Variants in MAPK10 observed in about 807,000 individuals in gnomAD.
The protein encoded by MAPK10 is JNK3 alpha protein kinase.
Under a neutral mutation model 59.3 loss-of-function variants are expected in MAPK10, and 25 were observed. The observed-to-expected ratio is 0.42, with a 90% CI of 0.31 to 0.59. The LOEUF is 0.59. Among genes scored for constraint, MAPK10 ranks in the 20% least tolerant of loss-of-function variants. The pLI, the probability that MAPK10 is intolerant of heterozygous loss-of-function variation, is 0.15. For synonymous variants in MAPK10, 190 were observed against 200.5 expected, an observed-to-expected ratio of 0.95 and a Z score of 0.44; for missense variants, 351 against 568.9, an observed-to-expected ratio of 0.62 and a Z score of 3.90.
chr4:86,392,744 C>A (rs1353220354), intron 1 of MAPK10, among the ~76,000 whole-genome samples: 1 of 152,116 alleles, frequency 6.6e-6, no homozygotes, highest in African/African-American at 2.4e-5. Context: ...ATGCTGCAAG[C>A]AGCAGGAAGA....
At chr4:86,297,373 A>G (rs970771404) in intron 2 of MAPK10, among the ~76,000 whole-genome samples, 4 of 152,014 alleles carry the variant, frequency 2.6e-5, no homozygotes, top group Admixed American at 2.0e-4. Context: ...GCAGTGGTGC[A>G]ATCTCAGCTC....
At chr4:86,074,932 C>T (rs1282956626) in intron 9 of MAPK10, among the ~76,000 whole-genome samples, 7 of 138,310 alleles carry the variant, frequency 5.1e-5, no homozygotes, top group South Asian at 2.3e-4. Flanking sequence ...TGAATCTGAA[C>T]GTTGGCCTGC....
At chr4:86,547,562 G>A (rs937886512) in intron 1 of MAPK10, among the ~76,000 whole-genome samples, 30 of 152,158 alleles carry the variant, frequency 2.0e-4, no homozygotes, top group Admixed American at 6.5e-4. Context: ...CTCCTGTGCC[G>A]CGGAGCCTCC....
At chr4:86,116,148 A>T (rs559889880) in intron 4 of MAPK10, among the ~76,000 whole-genome samples, 28 of 152,358 alleles carry the variant, frequency 1.8e-4, no homozygotes, top group Middle Eastern at 6.8e-3. Flanking sequence ...AAGAATGGCA[A>T]TCAGTCATGA....
intron 9 of MAPK10, chr4:86,080,654 G>C (rs1206791847): frequency 6.6e-6 from 1 of 151,872 alleles, no homozygotes; most frequent in Non-Finnish European, 1.5e-5. Flanking sequence ...TCATAAGGGT[G>C]AATCTAAACA....
intron 1 of MAPK10, among the ~76,000 whole-genome samples, chr4:86,430,367 A>G (rs1306807879): frequency 6.6e-6 from 1 of 152,110 alleles, no homozygotes. Context: ...CTACCGCCCA[A>G]CTCTCAAGTC....
At chr4:86,155,145 AGT>A (rs1167644899) in intron 4 of MAPK10, among the ~76,000 whole-genome samples, 1 of 152,092 alleles carries the variant, frequency 6.6e-6, no homozygotes, top group East Asian at 1.9e-4. Flanking sequence ...CAGAGTAAAT[AGT>A]GTCTTTTTTT....
chr4:86,304,225 G>A (rs549742340), intron 2 of MAPK10, among the ~76,000 whole-genome samples: 2 of 152,116 alleles, frequency 1.3e-5, no homozygotes, highest in Non-Finnish European at 2.9e-5. Flanking sequence ...AAGATCTCAC[G>A]TGCCATGCAA....
Position 86,586,424 on chromosome 4 carries a change from G to A in MAPK10, c.-263+7486C>T, listed in dbSNP as rs1013221903. On this transcript the variant is annotated intron_variant, in intron 1 of 4. Transcript: ENST00000502302. ...CTCTCTCTGTCTTTCACTCATCATC[G>A]AAACTGGCTTCCCCTCTTTCCTACT... Among the ~76,000 whole-genome samples the A allele has an allele frequency of 6.6e-5, 10 of 152,120 alleles. 1 individual carries two copies. The highest frequency in any genetic ancestry group is 3.3e-4 in the Admixed American group (5 of 15,288).
intron 1 of MAPK10, among the ~76,000 whole-genome samples, chr4:86,437,291 C>G (rs960248317): frequency 2.7e-5 from 4 of 150,804 alleles, no homozygotes; most frequent in Admixed American, 6.6e-5. Flanking sequence ...AAGCTCTCTT[C>G]TCTTCTGTTT....
intron 2 of MAPK10, among the ~76,000 whole-genome samples, chr4:86,204,839 C>T (rs1403932019): frequency 1.3e-5 from 2 of 151,966 alleles, no homozygotes; most frequent in African/African-American, 4.8e-5. Flanking sequence ...CAGTGGGTTA[C>T]AGAAGTCATA....
chr4:86,134,509 C>T (rs1269507356), intron 4 of MAPK10, among the ~76,000 whole-genome samples: 2 of 152,232 alleles, frequency 1.3e-5, no homozygotes, highest in Admixed American at 6.5e-5. Context: ...ACACACCACA[C>T]ATACTTTTTC....
At chr4:86,545,420 C>G (rs1759071109) in intron 1 of MAPK10, among the ~76,000 whole-genome samples, 1 of 152,148 alleles carries the variant, frequency 6.6e-6, no homozygotes, top group Non-Finnish European at 1.5e-5. Context: ...GGTGTGCTCT[C>G]TTCTGAGAAC....
chr4:86,012,570 A>G lies in MAPK10; in HGVS notation c.*4658T>C, dbSNP rs1741677052. 6.6e-6 allele frequency: 1 copy of G among 152,232 alleles called. No homozygotes were observed. Among genetic ancestry groups the G allele is most frequent in the Non-Finnish European group, 1.5e-5 (1 of 68,042 alleles). The allele number at this position is 152,232 out of a possible 1,614,324, so 9.4% of individuals were successfully genotyped here. On this transcript the variant is annotated 3_prime_UTR_variant, in exon 14 of 14. Transcript: ENST00000641462. ...TATATTGACTCCATATTACCTAAAA[A>G]GAGTCAAAAGAAGCAGAAGTTCTCC... is the stretch of plus-strand genomic sequence containing the variant.
Position 86,259,982 on chromosome 4 carries a change from C to G in MAPK10, c.-6-65575G>C, listed in dbSNP as rs563236458. ...TGAAAATAATACTAAAGTTGAAAAC[C>G]GACAACCTGGATTCAAATTTCTCTT... is the stretch of plus-strand genomic sequence containing the variant. On this transcript the variant is annotated intron_variant, in intron 2 of 13. Transcript: ENST00000641462. 2.0e-5 allele frequency among the ~76,000 whole-genome samples: 3 copies of G among 152,002 alleles called. No individual in the cohort carries two copies. The East Asian group carries it at 5.8e-4, about 29-fold the overall frequency.
At chr4:86,263,926 T>C (rs966877297) in intron 2 of MAPK10, among the ~76,000 whole-genome samples, 2 of 152,186 alleles carry the variant, frequency 1.3e-5, no homozygotes, top group African/African-American at 4.8e-5. Context: ...TTCAGCTAAA[T>C]AGAGAGGCAT....
At chr4:86,439,226 T>A (rs1248853522) in intron 1 of MAPK10, among the ~76,000 whole-genome samples, 1 of 152,186 alleles carries the variant, frequency 6.6e-6, no homozygotes, top group Non-Finnish European at 1.5e-5. Flanking sequence ...ATTTATCAGT[T>A]CTCTTACCCT....
At chr4:86,411,421 C>T (rs965398253) in intron 1 of MAPK10, among the ~76,000 whole-genome samples, 19 of 151,748 alleles carry the variant, frequency 1.3e-4, no homozygotes, top group Non-Finnish European at 2.9e-5. Context: ...ATTAAGTCAG[C>T]TTGGTCCAGA....
At chr4:86,132,116 A>G (rs868679888) in intron 4 of MAPK10, among the ~76,000 whole-genome samples, 1 of 152,192 alleles carries the variant, frequency 6.6e-6, no homozygotes, top group Non-Finnish European at 1.5e-5. Context: ...CTTGGATATA[A>G]TTCTTAGTTC....
Sources: gnomAD v4.1 joint callset for allele counts (sites outside exome capture counted in the v4.1 genomes callset) on GRCh38, gnomAD v4.1.1 for gene constraint, MANE v1.5 for transcripts, NCBI Gene and HGNC (gene_info 2026-07-23, HGNC 2026-07-21) for gene names.